MFAP3L: variants seen among roughly 807,000 people sequenced by gnomAD.
MFAP3L encodes the protein microfibril associated protein 3 like.
MFAP3L carries 5 observed loss-of-function variants against 20.0 expected under a neutral mutation model. The ratio of observed to expected loss-of-function variants is 0.25; its 90% CI spans 0.13 to 0.53. The LOEUF (loss-of-function observed/expected upper bound fraction) is 0.53, where lower values mean the gene tolerates loss of function less well. Ranked by LOEUF, MFAP3L falls within the 20% of genes least tolerant of loss-of-function variation. The pLI, the probability that MFAP3L is intolerant of heterozygous loss-of-function variation, is 0.96. For synonymous variants in MFAP3L, 219 were observed against 213.0 expected (o/e 1.03, Z -0.25); for missense variants, 409 against 527.5 (o/e 0.78, Z 2.20).
At chr4:170,006,692 A>G (rs1739056812) in intron 1 of MFAP3L, 1 of 152,200 alleles carries the variant, frequency 6.6e-6, no homozygotes, top group Non-Finnish European at 1.5e-5. Flanking sequence ...CTTCTCTCCC[A>G]GTAAACGGGA....
At chr4:170,010,890 A>C (rs547169778) in intron 1 of MFAP3L, among the ~76,000 whole-genome samples, 1 of 152,308 alleles carries the variant, frequency 6.6e-6, no homozygotes, top group Admixed American at 6.5e-5. Flanking sequence ...CTCTGAATAT[A>C]AACTATGGTG....
At chr4:170,018,616 T>C (rs1170742250) in intron 1 of MFAP3L, among the ~76,000 whole-genome samples, 1 of 152,138 alleles carries the variant, frequency 6.6e-6, no homozygotes, top group Non-Finnish European at 1.5e-5. Context: ...CCAGCCTCCA[T>C]TAAGGCAAAG....
At chr4:170,005,548 A>C (rs749300586) in intron 2 of MFAP3L, 32 bp downstream of exon 2, 3 of 1,598,564 alleles carry the variant, frequency 1.9e-6, no homozygotes, top group Non-Finnish European at 2.6e-6. Flanking sequence ...TTTATATTTT[A>C]TTATGACATT....
In MFAP3L at chr4:169,992,967, G is replaced by A. The variant is rs1262030314; in HGVS notation, c.299-658C>T. Reference sequence around the variant, plus strand: ...AAGCTAACAATGTGAGTATTCAGAGGCTGGATATGAATTAATATCAATTTG... The same window carrying A: ...AAGCTAACAATGTGAGTATTCAGAGACTGGATATGAATTAATATCAATTTG... On this transcript the variant is annotated intron_variant, in intron 2 of 2. Transcript: ENST00000361618. This position sits in a 1 kb window ranked among gnomAD's most constrained non-coding sequence, Gnocchi z 4.3. Among the ~76,000 whole-genome samples the A allele has an allele frequency of 4.6e-5, 7 of 152,298 alleles. No individual in the cohort carries two copies. The highest frequency in any genetic ancestry group is 4.2e-4 in the South Asian group (2 of 4,812).
Position 169,989,169 on chromosome 4 carries a change from C to G in MFAP3L, c.*2209G>C, listed in dbSNP as rs1737483002. On this transcript the variant is annotated 3_prime_UTR_variant, in exon 3 of 3. Transcript: ENST00000361618. ...GGTGGTGTTAAAACTTTTCTGCAAC[C>G]CAAAAACATACAATGCTAGTCCAGA... 6.6e-6 allele frequency: 1 copy of G among 152,076 alleles called. No homozygotes were observed. The highest frequency in any genetic ancestry group is 1.5e-5 in the Non-Finnish European group (1 of 68,000). The allele number at this position is 152,076 out of a possible 1,614,324, so 9.4% of individuals were successfully genotyped here. A position where few individuals can be genotyped will look rare whatever the true frequency, so the allele number is the denominator to read the frequency against.
At chr4:170,026,441 G>A, upstream of MFAP3L, 4 of 288,940 alleles carry the variant, frequency 1.4e-5, no homozygotes, top group Non-Finnish European at 2.1e-5. Context: ...GGGCCGGCCG[G>A]GGCCGAGCAT....
At chr4:170,007,254 C>A (rs527272438) in intron 1 of MFAP3L, among the ~76,000 whole-genome samples, 52 of 152,216 alleles carry the variant, frequency 3.4e-4, no homozygotes, top group Non-Finnish European at 6.2e-4. Flanking sequence ...ACGCCACCAG[C>A]TGAAACCCTG....
intron 1 of MFAP3L, among the ~76,000 whole-genome samples, chr4:170,018,626 G>C (rs530476967): frequency 6.6e-6 from 1 of 152,148 alleles, no homozygotes; most frequent in African/African-American, 2.4e-5. Flanking sequence ...TTAAGGCAAA[G>C]GATGGTTAAT....
chr4:169,997,423 A>T (rs1738258503), intron 2 of MFAP3L, among the ~76,000 whole-genome samples: 1 of 152,222 alleles, frequency 6.6e-6, no homozygotes, highest in Non-Finnish European at 1.5e-5. Context: ...ATGTTTGACA[A>T]ATACTTAATG....
Position 169,992,370 on chromosome 4 carries a change from G to A in MFAP3L, c.299-61C>T, listed in dbSNP as rs1179625876. On this transcript the variant is annotated intron_variant, in intron 2 of 2. Coordinates refer to ENST00000361618, the MANE Select transcript of MFAP3L (RefSeq NM_021647.8). This position sits in a 1 kb window ranked among gnomAD's most constrained non-coding sequence, Gnocchi z 4.3. ...CACAGAGCTCCCATGACTACAAACT[G>A]ATACGTTTCTAAGAACATCTATGAA... The A allele has an allele frequency of 1.5e-6, 2 of 1,371,754 alleles. No homozygotes were observed. The highest frequency in any genetic ancestry group is 2.0e-6 in the Non-Finnish European group (2 of 995,442). 85.0% of individuals were successfully genotyped at this position (1,371,754 alleles called of 1,614,324 possible).
At chr4:170,013,614 G>T (rs1189931277) in intron 1 of MFAP3L, among the ~76,000 whole-genome samples, 1 of 152,154 alleles carries the variant, frequency 6.6e-6, no homozygotes, top group Non-Finnish European at 1.5e-5. Context: ...AAAAGACCAT[G>T]ACTGCTAATA....
At chr4:169,998,587 A>G (rs939080866) in intron 2 of MFAP3L, among the ~76,000 whole-genome samples, 1 of 152,176 alleles carries the variant, frequency 6.6e-6, no homozygotes, top group Non-Finnish European at 1.5e-5. Context: ...AACTTGAGAA[A>G]GCTGACTGAA....
At chr4:170,019,038 G>A (rs1739871273) in intron 1 of MFAP3L, among the ~76,000 whole-genome samples, 1 of 152,278 alleles carries the variant, frequency 6.6e-6, no homozygotes, top group Non-Finnish European at 1.5e-5. Context: ...GGAGGTGCTG[G>A]GAGCCAAACA....
intron 2 of MFAP3L, among the ~76,000 whole-genome samples, chr4:169,999,261 C>T (rs1255202172): frequency 2.6e-5 from 4 of 152,126 alleles, no homozygotes; most frequent in South Asian, 4.2e-4. Flanking sequence ...TCATGTAGAG[C>T]GAAGGTGGCC....
chr4:170,010,936 T>C (rs1313429713), intron 1 of MFAP3L, among the ~76,000 whole-genome samples: 1 of 152,208 alleles, frequency 6.6e-6, no homozygotes, highest in Non-Finnish European at 1.5e-5. Context: ...AAATCTCACC[T>C]TGAATTGTAA....
chr4:169,995,612 G>T (rs1436797885), intron 2 of MFAP3L, among the ~76,000 whole-genome samples: 1 of 152,118 alleles, frequency 6.6e-6, no homozygotes, highest in Non-Finnish European at 1.5e-5. Context: ...ATTCGCATCG[G>T]TCTATAAATA....
chr4:170,006,089 G>A, intron 1 of MFAP3L, 79 bp from the exon 2 acceptor site: 1 of 1,121,846 alleles, frequency 8.9e-7, no homozygotes, highest in Non-Finnish European at 1.2e-6. Flanking sequence ...GGTTAGCAAT[G>A]CAGCTAAAAT....
chr4:170,014,175 T>TA (rs1739557754), intron 1 of MFAP3L, among the ~76,000 whole-genome samples: 1 of 151,780 alleles, frequency 6.6e-6, no homozygotes, highest in African/African-American at 2.4e-5. Flanking sequence ...CTCCCCCCTT[T>TA]AAAAAATTAT....
chr4:169,992,144 AC>A lies in MFAP3L; in HGVS notation c.463del (p.Val155SerfsTer20). ...GATGGTGAAGGCCACCAGGCACACGACCATGTAGTAGACACCCATGTCTCCA... is the reference window on the plus strand; with the variant it reads ...GATGGTGAAGGCCACCAGGCACACGACATGTAGTAGACACCCATGTCTCCA... ...TSGDMGVYYM[V>X]VCLVAFTIVM... is the part of the protein sequence containing the mutation. On this transcript the variant is annotated frameshift_variant, in exon 3 of 3. Coordinates refer to ENST00000361618, the MANE Select transcript of MFAP3L (RefSeq NM_021647.8). LOFTEE classifies it high-confidence loss of function. The surrounding 1 kb of genome is among the most constrained non-coding windows in gnomAD (Gnocchi z 4.3). The A allele has an allele frequency of 1.2e-6, 2 of 1,614,108 alleles. No homozygotes were observed. The highest frequency in any genetic ancestry group is 1.7e-6 in the Non-Finnish European group (2 of 1,180,010).
Sources: allele counts gnomAD v4.1 joint callset (sites outside exome capture counted in the v4.1 genomes callset), GRCh38; gene constraint gnomAD v4.1.1; non-coding constraint Gnocchi (gnomAD v3.1); transcripts MANE v1.5; gene names NCBI Gene and HGNC (gene_info 2026-07-23, HGNC 2026-07-21).